The following ADNP2 variants were observed in gnomAD, a reference collection of about 807,000 sequenced individuals.
The protein encoded by ADNP2 is ADNP homeobox 2.
ADNP2 carries 8 observed loss-of-function variants against 16.4 expected under a neutral mutation model. The observed-to-expected ratio is 0.49, with a 90% CI of 0.29 to 0.88. The LOEUF (loss-of-function observed/expected upper bound fraction) is 0.88. Among genes scored for constraint, ADNP2 ranks in the 40% least tolerant of loss-of-function variants. The pLI, the probability that ADNP2 is intolerant of heterozygous loss-of-function variation, is 0.09. For missense variants in ADNP2, 1,397 were observed against 1,395.1 expected (o/e 1.00, Z -0.02); for synonymous variants, 637 against 545.8 (o/e 1.17, Z -2.33).
At chr18:80,112,437 A>C (rs1209844278) in intron 1 of ADNP2, among the ~76,000 whole-genome samples, 2 of 152,042 alleles carry the variant, frequency 1.3e-5, no homozygotes, top group Non-Finnish European at 2.9e-5. Flanking sequence ...GCTAAACAAA[A>C]AAAAAAAGGA....
chr18:80,123,776 C>CTA (rs2052440654), intron 2 of ADNP2, among the ~76,000 whole-genome samples: 1 of 151,744 alleles, frequency 6.6e-6, no homozygotes, highest in African/African-American at 2.4e-5. Flanking sequence ...GTCGCCCAGG[C>CTA]TGGAGTGCAG....
rs1325538034 is a variant in ADNP2, at chr18:80,139,498, C to A, written c.*689C>A. On this transcript the variant is annotated 3_prime_UTR_variant, in exon 4 of 4. Coordinates refer to ENST00000262198, the MANE Select transcript of ADNP2 (RefSeq NM_014913.4). ...CTGGTATGCTGGTATGTAGCTCATA[C>A]ATCAAGAGTTATTTTACAAATAAAT... 5 of 152,172 alleles carry A rather than the reference C, an allele frequency of 3.3e-5. No homozygotes were observed. Among genetic ancestry groups the A allele is most frequent in the African/African-American group, 1.2e-4 (5 of 41,276 alleles). 9.4% of individuals were successfully genotyped at this position (152,172 alleles called of 1,614,324 possible).
At chr18:80,131,508 G>A (rs1051667574) in intron 2 of ADNP2, among the ~76,000 whole-genome samples, 29 of 151,050 alleles carry the variant, frequency 1.9e-4, no homozygotes, top group African/African-American at 6.3e-4. Flanking sequence ...TCCCTAAGAC[G>A]AATGGATTGA....
chr18:80,129,491 C>T (rs1342825131), intron 2 of ADNP2, among the ~76,000 whole-genome samples: 2 of 152,184 alleles, frequency 1.3e-5, no homozygotes, highest in Non-Finnish European at 2.9e-5. Context: ...AGTGCTTTCC[C>T]TGACTGTTGG....
At position 80,138,175 on chromosome 18, in the gene ADNP2, T is replaced by C; in HGVS notation, c.2762T>C (p.Val921Ala). ...TTCAAGTGCATCCACTGCTGTGGGGTCTACACGGGAAATATGACCCTGGCT... is the reference window on the plus strand; with the variant it reads ...TTCAAGTGCATCCACTGCTGTGGGGCCTACACGGGAAATATGACCCTGGCT... ...PAFKCIHCCG[V>A]YTGNMTLAAI... is the part of the protein sequence containing the mutation. The change falls in exon 4 of 4, where the codon GTC (valine) becomes GCC (alanine). Residue 921 changes from valine (V) to alanine (A), a missense_variant. Physicochemically the swap from Val to Ala is moderately conservative, Grantham distance 64. Around this residue, in one of 3 missense-constraint regions of ADNP2, gnomAD observed 611 missense variants for 648.7 expected, o/e 0.94. Coordinates refer to ENST00000262198, the MANE Select transcript of ADNP2 (RefSeq NM_014913.4). 1 of 1,614,054 alleles carries C rather than the reference T, an allele frequency of 6.2e-7. No individual in the cohort carries two copies. The highest frequency in any genetic ancestry group is 8.5e-7 in the Non-Finnish European group (1 of 1,180,026).
At chr18:80,132,126 TCTC>T (rs1025731039) in intron 2 of ADNP2, among the ~76,000 whole-genome samples, 20 of 152,236 alleles carry the variant, frequency 1.3e-4, no homozygotes, top group Non-Finnish European at 2.5e-4. Flanking sequence ...TGTTGGGAGG[TCTC>T]CTCTGTTTAT....
chr18:80,121,076 C>T (rs1261871196), intron 2 of ADNP2, among the ~76,000 whole-genome samples: 1 of 152,224 alleles, frequency 6.6e-6, no homozygotes, highest in Non-Finnish European at 1.5e-5. Flanking sequence ...AGTGAAAGTG[C>T]ACCATTTTAC....
chr18:80,122,801 T>C (rs2052433214), intron 2 of ADNP2, among the ~76,000 whole-genome samples: 2 of 152,358 alleles, frequency 1.3e-5, no homozygotes, highest in African/African-American at 4.8e-5. Context: ...ACGATGCCTT[T>C]TATTTTTTGC....
intron 2 of ADNP2, among the ~76,000 whole-genome samples, chr18:80,119,457 C>G (rs866270654): frequency 6.6e-6 from 1 of 152,068 alleles, no homozygotes; most frequent in Admixed American, 6.5e-5. Context: ...GAGAACCAAC[C>G]CTGTAGAGAG....
chr18:80,123,255 T>C (rs1024014890), intron 2 of ADNP2, among the ~76,000 whole-genome samples: 1 of 152,248 alleles, frequency 6.6e-6, no homozygotes, highest in African/African-American at 2.4e-5. Flanking sequence ...TTCATCTGTG[T>C]TCATAAGGAA....
In ADNP2 at chr18:80,137,857, A is replaced by G. The variant is rs113879497; in HGVS notation, c.2444A>G (p.Asn815Ser). 2.9e-4 allele frequency: 476 copies of G among 1,614,076 alleles called. 1 individual carries two copies. In the East Asian group the frequency reaches 7.5e-3, roughly 25 times the overall value. The change falls in exon 4 of 4, where the codon AAT becomes AGT. Residue 815 changes from asparagine to serine, a missense_variant. Asn to Ser is a conservative substitution (Grantham distance 46). Transcript: ENST00000262198. The surrounding 1 kb of genome is among the most constrained non-coding windows in gnomAD (Gnocchi z 4.2). ...GGTTTTCAATTAGATGTCGATGCCA[A>G]TGGCAACCTGCTCTTTCCCCACCTT... Reference protein sequence around the residue: ...NRGFQLDVDANGNLLFPHLDF... With the variant: ...NRGFQLDVDASGNLLFPHLDF...
At chr18:80,128,657 GAAAT>G (rs1030132285) in intron 2 of ADNP2, among the ~76,000 whole-genome samples, 13 of 152,154 alleles carry the variant, frequency 8.5e-5, no homozygotes, top group Middle Eastern at 3.4e-3. Flanking sequence ...CTCAAAAAAA[GAAAT>G]AAATAAATAA....
chr18:80,137,240 G>C lies in ADNP2; in HGVS notation c.1827G>C (p.Val609=). 1 of 1,614,236 alleles carries C rather than the reference G, an allele frequency of 6.2e-7. No individual in the cohort carries two copies. The highest frequency in any genetic ancestry group is 1.1e-5 in the South Asian group (1 of 91,088). ...LRQLIPTGKQ[V]NGIPTYTLAP... is the part of the protein sequence containing the mutation. Reference sequence around the variant, plus strand: ...AGCTCATCCCTACAGGGAAACAAGTGAATGGGATTCCAACCTACACGCTGG... The same window carrying C: ...AGCTCATCCCTACAGGGAAACAAGTCAATGGGATTCCAACCTACACGCTGG... The change falls in exon 4 of 4, where the codon GTG becomes GTC. Residue 609 remains valine (V), a synonymous_variant. Transcript: ENST00000262198. This position sits in a 1 kb window ranked among gnomAD's most constrained non-coding sequence, Gnocchi z 4.2.
intron 1 of ADNP2, among the ~76,000 whole-genome samples, chr18:80,113,668 G>A (rs770109488): frequency 9.9e-5 from 15 of 152,084 alleles, no homozygotes; most frequent in Non-Finnish European, 2.2e-4. Flanking sequence ...TGTGCTCTGT[G>A]ATGGGACCCT....
At chr18:80,134,890 C>T (rs1246768444) in intron 3 of ADNP2, among the ~76,000 whole-genome samples, 1 of 152,106 alleles carries the variant, frequency 6.6e-6, no homozygotes, top group African/African-American at 2.4e-5. Context: ...GTCCATTTGG[C>T]TCCTACCTTC....
At chr18:80,121,499 C>G (rs747785171) in intron 2 of ADNP2, among the ~76,000 whole-genome samples, 1 of 152,134 alleles carries the variant, frequency 6.6e-6, no homozygotes, top group Non-Finnish European at 1.5e-5. Context: ...TCTTTACTTT[C>G]TTGATAACAT....
intron 3 of ADNP2, among the ~76,000 whole-genome samples, chr18:80,134,386 AGTGT>A (rs34515123): frequency 0.031 from 4,531 of 146,210 alleles, 185 homozygotes; most frequent in African/African-American, 0.098. Context: ...AGAATGGAAG[AGTGT>A]GTGTGTGTGT....
At chr18:80,126,152 A>T (rs1244406655) in intron 2 of ADNP2, among the ~76,000 whole-genome samples, 3 of 151,976 alleles carry the variant, frequency 2.0e-5, no homozygotes, top group Admixed American at 1.3e-4. Context: ...CTGGCTTATT[A>T]GCTATACATC....
chr18:80,129,860 T>A (rs1300820001), intron 2 of ADNP2, among the ~76,000 whole-genome samples: 1 of 152,188 alleles, frequency 6.6e-6, no homozygotes, highest in Admixed American at 6.5e-5. Flanking sequence ...GTGAATGAGG[T>A]GTTTCTGATT....
Sources: gnomAD v4.1 joint callset for allele counts (sites outside exome capture counted in the v4.1 genomes callset) on GRCh38, gnomAD v4.1.1 for gene constraint, gnomAD v4.1.1 regional missense constraint, Gnocchi (gnomAD v3.1) non-coding constraint, MANE v1.5 for transcripts, NCBI Gene and HGNC (gene_info 2026-07-23, HGNC 2026-07-21) for gene names.